ENTREP2: variants seen among roughly 807,000 people sequenced by gnomAD.
ENTREP2 encodes endosomal transmembrane epsin interactor 2, also known as protein ENTREP2.
the ENTREP2 span, among the ~76,000 whole-genome samples, chr15:29,162,234 C>T: frequency 3.3e-5 from 5 of 152,148 alleles, no homozygotes; most frequent in African/African-American, 9.6e-5. Flanking sequence ...GCCAGAGGAG[C>T]GAGGGTAAAA....
At chr15:29,477,617 A>G in the ENTREP2 span, among the ~76,000 whole-genome samples, 1 of 152,146 alleles carries the variant, frequency 6.6e-6, no homozygotes, top group Non-Finnish European at 1.5e-5. Flanking sequence ...ACCAATCTCC[A>G]GACCTGTGCC....
the ENTREP2 span, among the ~76,000 whole-genome samples, chr15:29,318,068 C>T: frequency 6.6e-6 from 1 of 152,120 alleles, no homozygotes; most frequent in Non-Finnish European, 1.5e-5. Flanking sequence ...TTCCAGAGAG[C>T]TCTTCATATG....
chr15:29,661,828 C>A, the ENTREP2 span, among the ~76,000 whole-genome samples: 1 of 152,136 alleles, frequency 6.6e-6, no homozygotes, highest in African/African-American at 2.4e-5. Flanking sequence ...CATTTCAATA[C>A]AAACGTAGTC....
At chr15:29,332,417 T>C in the ENTREP2 span, among the ~76,000 whole-genome samples, 1 of 152,166 alleles carries the variant, frequency 6.6e-6, no homozygotes, top group East Asian at 1.9e-4. Context: ...AAGTTGATTA[T>C]TGAATATTTT....
chr15:29,543,701 C>T, the ENTREP2 span, among the ~76,000 whole-genome samples: 1 of 151,930 alleles, frequency 6.6e-6, no homozygotes, highest in Non-Finnish European at 1.5e-5. Flanking sequence ...ATCGCTTGAA[C>T]CTGGGAGGCA....
chr15:29,193,123 A>G, the ENTREP2 span, among the ~76,000 whole-genome samples: 1 of 152,168 alleles, frequency 6.6e-6, no homozygotes, highest in African/African-American at 2.4e-5. Context: ...AACAGGGAAA[A>G]GAAGTAAGGG....
chr15:29,540,754 C>T, the ENTREP2 span, among the ~76,000 whole-genome samples: 1 of 152,362 alleles, frequency 6.6e-6, no homozygotes, highest in African/African-American at 2.4e-5. Flanking sequence ...ACACTACCAA[C>T]GGCACATGGG....
chr15:29,617,266 C>T, the ENTREP2 span, among the ~76,000 whole-genome samples: 3 of 152,034 alleles, frequency 2.0e-5, no homozygotes, highest in Non-Finnish European at 1.5e-5. Flanking sequence ...GCCTGAGCAC[C>T]AGGAATGCAC....
the ENTREP2 span, among the ~76,000 whole-genome samples, chr15:29,466,012 A>AAATC: frequency 1.3e-5 from 2 of 152,176 alleles, no homozygotes; most frequent in Non-Finnish European, 2.9e-5. Flanking sequence ...TTTATCCAAC[A>AAATC]AATATTTACT....
the ENTREP2 span, among the ~76,000 whole-genome samples, chr15:29,392,242 G>A: frequency 5.9e-5 from 9 of 152,072 alleles, no homozygotes; most frequent in Non-Finnish European, 8.8e-5. Flanking sequence ...GATTACAGGC[G>A]TGAGCCACTG....
the ENTREP2 span, among the ~76,000 whole-genome samples, chr15:29,325,734 T>C: frequency 6.6e-6 from 1 of 152,192 alleles, no homozygotes; most frequent in South Asian, 2.1e-4. Flanking sequence ...GAGGGAACGC[T>C]TCCTAATTTA....
chr15:29,234,484 T>A, the ENTREP2 span: 1 of 1,454,394 alleles, frequency 6.9e-7, no homozygotes, highest in Non-Finnish European at 9.7e-7. Flanking sequence ...GCCTATCATA[T>A]ATTTGTACTG....
At chr15:29,539,275 C>T in the ENTREP2 span, among the ~76,000 whole-genome samples, 4,953 of 143,420 alleles carry the variant, frequency 0.035, 243 homozygotes, top group African/African-American at 0.12. Flanking sequence ...CGACAGTGTT[C>T]GGGAACCAGG....
At chr15:29,463,337 G>T in the ENTREP2 span, among the ~76,000 whole-genome samples, 1 of 152,012 alleles carries the variant, frequency 6.6e-6, no homozygotes, top group Non-Finnish European at 1.5e-5. Flanking sequence ...ATCAGGAAAG[G>T]TTCAGCGGCC....
the ENTREP2 span, among the ~76,000 whole-genome samples, chr15:29,627,430 CT>C: frequency 6.6e-6 from 1 of 151,868 alleles, no homozygotes; most frequent in African/African-American, 2.4e-5. Context: ...GTAGTCCCAG[CT>C]ACTCGGGAGG....
chr15:29,411,445 G>A, the ENTREP2 span, among the ~76,000 whole-genome samples: 3 of 152,064 alleles, frequency 2.0e-5, no homozygotes, highest in Non-Finnish European at 4.4e-5. Context: ...TGCTGACTGG[G>A]GCATGTGTTG....
At chr15:29,629,155 T>C in the ENTREP2 span, among the ~76,000 whole-genome samples, 1 of 152,324 alleles carries the variant, frequency 6.6e-6, no homozygotes. Flanking sequence ...ATCTTTTCCA[T>C]CCTTTTATAT....
chr15:29,245,970 T>C, the ENTREP2 span, among the ~76,000 whole-genome samples: 1 of 152,142 alleles, frequency 6.6e-6, no homozygotes. Flanking sequence ...GGGACGGTCT[T>C]AGTGATTTTT....
the ENTREP2 span, among the ~76,000 whole-genome samples, chr15:29,418,402 G>A: frequency 7.9e-5 from 12 of 152,162 alleles, no homozygotes; most frequent in South Asian, 1.9e-3. Flanking sequence ...CACACCCTCC[G>A]TGCAGAGTAC....
Sources: gnomAD v4.1 joint callset for allele counts (sites outside exome capture counted in the v4.1 genomes callset) on GRCh38, gnomAD v4.1.1 for gene constraint, MANE v1.5 for transcripts, NCBI Gene and HGNC (gene_info 2026-07-23, HGNC 2026-07-21) for gene names.